CPNE8: variants seen among roughly 807,000 people sequenced by gnomAD.
CPNE8 encodes the protein copine-8.
Under a neutral mutation model 81.5 loss-of-function variants are expected in CPNE8, and 45 were observed. The observed-to-expected ratio is 0.55, with a 90% confidence interval of 0.44 to 0.71. CPNE8 has a LOEUF of 0.71. CPNE8 is among the 30% of genes least tolerant of loss of function. The probability of loss-of-function intolerance (pLI) is 0.00; values close to 1 mark genes in which losing one functional copy is unlikely to be tolerated. For synonymous variants in CPNE8, 252 were observed against 226.3 expected (o/e 1.11, Z -1.02); for missense variants, 594 against 672.1 (o/e 0.88, Z 1.28).
At chr12:38,686,241 G>T (rs999651664) in intron 15 of CPNE8, among the ~76,000 whole-genome samples, 1 of 151,972 alleles carries the variant, frequency 6.6e-6, no homozygotes, top group African/African-American at 2.4e-5. Context: ...AATTTGGTGT[G>T]GGGAATATCA....
At chr12:38,869,778 T>G (rs1943964159) in intron 3 of CPNE8, among the ~76,000 whole-genome samples, 1 of 152,182 alleles carries the variant, frequency 6.6e-6, no homozygotes, top group African/African-American at 2.4e-5. Flanking sequence ...CTGGGTCCTA[T>G]CTCATCATTT....
chr12:38,814,631 C>T (rs776612476), intron 6 of CPNE8, among the ~76,000 whole-genome samples: 4 of 151,918 alleles, frequency 2.6e-5, no homozygotes, highest in African/African-American at 9.7e-5. Context: ...ATTTATGTGG[C>T]TTTTATTTTT....
intron 3 of CPNE8, among the ~76,000 whole-genome samples, chr12:38,861,230 C>T (rs974659807): frequency 2.6e-4 from 40 of 151,716 alleles, no homozygotes; most frequent in African/African-American, 8.5e-4. Context: ...ACTGGCTGGG[C>T]GGGGGAGAGA....
rs753627319 is a variant in CPNE8, at chr12:38,839,921, T to C, written c.325A>G (p.Lys109Glu). Reference protein sequence around the residue: ...DVDSKSPNLSKHDFLGQVFCT... With the variant: ...DVDSKSPNLSEHDFLGQVFCT... ...ACATAAAAATATGAACTTACATGTT[T>C]GGATAAGTTGGGGCTCTTTGAATCA... The change falls in exon 5 of 20, where the codon AAA becomes GAA. Residue 109 changes from lysine to glutamate, a missense_variant. Lys to Glu is a moderately conservative substitution (Grantham distance 56). Transcript: ENST00000331366. 2 of 1,577,840 alleles carry C rather than the reference T, an allele frequency of 1.3e-6. No individual in the cohort carries two copies. Among genetic ancestry groups the C allele is most frequent in the Non-Finnish European group, 1.7e-6 (2 of 1,155,250 alleles).
chr12:38,784,684 CA>C (rs1178487924), intron 6 of CPNE8, among the ~76,000 whole-genome samples: 1 of 151,910 alleles, frequency 6.6e-6, no homozygotes, highest in African/African-American at 2.4e-5. Flanking sequence ...GCAGACTTTT[CA>C]GTGAAATCTT....
chr12:38,743,575 A>G (rs1161231111), intron 10 of CPNE8, among the ~76,000 whole-genome samples: 1 of 152,114 alleles, frequency 6.6e-6, no homozygotes, highest in African/African-American at 2.4e-5. Context: ...AAATAAAACT[A>G]TTTGAAGGCT....
At chr12:38,755,177 G>T (rs1941431172) in intron 10 of CPNE8, among the ~76,000 whole-genome samples, 1 of 152,108 alleles carries the variant, frequency 6.6e-6, no homozygotes, top group African/African-American at 2.4e-5. Context: ...GACAAATGAA[G>T]TTTGCATTTA....
intron 6 of CPNE8, among the ~76,000 whole-genome samples, chr12:38,816,416 G>A (rs1475439442): frequency 6.6e-6 from 1 of 152,156 alleles, no homozygotes; most frequent in East Asian, 1.9e-4. Flanking sequence ...TCTTGATTGA[G>A]TTTTAGAAGT....
At chr12:38,698,240 A>G (rs1457963022) in intron 14 of CPNE8, among the ~76,000 whole-genome samples, 2 of 152,134 alleles carry the variant, frequency 1.3e-5, no homozygotes, top group African/African-American at 4.8e-5. Flanking sequence ...TCCTTTGCCC[A>G]CTTTTAACAT....
intron 6 of CPNE8, among the ~76,000 whole-genome samples, chr12:38,820,884 T>C (rs1943100855): frequency 6.6e-6 from 1 of 152,186 alleles, no homozygotes. Flanking sequence ...TACATCCTCC[T>C]TACATCCACT....
intron 3 of CPNE8, among the ~76,000 whole-genome samples, chr12:38,867,305 A>AGTGTGTGTGTGTGTGT (rs35874005): frequency 1.7e-4 from 23 of 133,220 alleles, no homozygotes; most frequent in African/African-American, 6.2e-4. Context: ...TGAATAGTAT[A>AGTGTGTGTGTGTGTGT]GTGTGTGTGT....
At chr12:38,868,711 T>A (rs758610041) in intron 3 of CPNE8, among the ~76,000 whole-genome samples, 2 of 152,208 alleles carry the variant, frequency 1.3e-5, no homozygotes, top group Non-Finnish European at 2.9e-5. Flanking sequence ...TATCTATTTG[T>A]CTCTCCAAAC....
At chr12:38,714,195 T>C (rs1940330462) in intron 13 of CPNE8, among the ~76,000 whole-genome samples, 2 of 152,080 alleles carry the variant, frequency 1.3e-5, no homozygotes, top group African/African-American at 4.8e-5. Flanking sequence ...TAAAAGTGAA[T>C]AAACCCAGTT....
At chr12:38,794,650 TAAA>T (rs61223251) in intron 6 of CPNE8, among the ~76,000 whole-genome samples, 4 of 139,252 alleles carry the variant, frequency 2.9e-5, no homozygotes, top group African/African-American at 5.2e-5. Context: ...AAAACTACTA[TAAA>T]AAAAAAAAAC....
At chr12:38,768,669 G>A (rs1941739525) in intron 7 of CPNE8, among the ~76,000 whole-genome samples, 1 of 151,440 alleles carries the variant, frequency 6.6e-6, no homozygotes. Context: ...ACAGGCACAC[G>A]CTGCCACGCC....
At chr12:38,906,690 G>A (rs1169399013), upstream of CPNE8, 2 of 800,262 alleles carry the variant, frequency 2.5e-6, no homozygotes, top group African/African-American at 3.8e-5. Context: ...AAAAGCATCC[G>A]GAGGTAGACG....
chr12:38,689,470 C>T (rs1338568493), intron 15 of CPNE8, among the ~76,000 whole-genome samples: 1 of 152,178 alleles, frequency 6.6e-6, no homozygotes, highest in East Asian at 1.9e-4. Flanking sequence ...GGCTGTTGCT[C>T]TACTCTGAAA....
chr12:38,772,181 A>C (rs75958705), intron 7 of CPNE8, among the ~76,000 whole-genome samples: 1 of 152,114 alleles, frequency 6.6e-6, no homozygotes, highest in Non-Finnish European at 1.5e-5. Context: ...CTCTGCCACA[A>C]TGTGAAACAG....
intron 1 of CPNE8, among the ~76,000 whole-genome samples, chr12:38,879,059 T>C (rs951252442): frequency 6.6e-5 from 10 of 152,218 alleles, no homozygotes; most frequent in Non-Finnish European, 1.2e-4. Context: ...GATAATCATA[T>C]ATATAATTTA....
Sources: gnomAD v4.1 joint callset for allele counts (sites outside exome capture counted in the v4.1 genomes callset) on GRCh38, gnomAD v4.1.1 for gene constraint, MANE v1.5 for transcripts, NCBI Gene and HGNC (gene_info 2026-07-23, HGNC 2026-07-21) for gene names.